Variants in SRRM4 observed in about 807,000 individuals in gnomAD.
SRRM4 encodes the protein serine/arginine repetitive matrix protein 4.
A neutral mutation model predicts 68.9 loss-of-function variants in SRRM4; 33 were observed. The ratio of observed to expected loss-of-function variants is 0.48; its 90% CI spans 0.36 to 0.64. SRRM4 has a LOEUF of 0.64. Ranked by LOEUF, SRRM4 falls within the 30% of genes least tolerant of loss-of-function variation. SRRM4 has a pLI of 0.00. For missense variants in SRRM4, 817 were observed against 827.1 expected, an observed-to-expected ratio of 0.99 and a Z score of 0.15; for synonymous variants, 318 against 318.8, an observed-to-expected ratio of 1.00 and a Z score of 0.03.
chr12:119,151,255 T>C, intron 10 of SRRM4, 35 bp downstream of exon 10: 2 of 1,577,170 alleles, frequency 1.3e-6, no homozygotes, highest in East Asian at 2.2e-5. Flanking sequence ...CTGCAGCACC[T>C]TTCTCCTTAG....
intron 1 of SRRM4, among the ~76,000 whole-genome samples, chr12:119,063,409 C>T (rs544649483): frequency 1.6e-4 from 24 of 152,140 alleles, no homozygotes; most frequent in Non-Finnish European, 3.2e-4. Context: ...CAGAGACCCT[C>T]CTCCATGTTT....
intron 1 of SRRM4, among the ~76,000 whole-genome samples, chr12:119,015,801 T>C (rs1425568676): frequency 6.6e-6 from 1 of 152,160 alleles, no homozygotes; most frequent in East Asian, 1.9e-4. Flanking sequence ...CACCCTGGAC[T>C]GTCCTTCCCC....
intron 8 of SRRM4, among the ~76,000 whole-genome samples, chr12:119,139,471 G>A (rs370275166): frequency 6.6e-6 from 1 of 152,176 alleles, no homozygotes; most frequent in Admixed American, 6.5e-5. Context: ...TGATGACTTT[G>A]TGAAAATGCT....
chr12:119,030,235 A>G (rs1953579699), intron 1 of SRRM4, among the ~76,000 whole-genome samples: 1 of 152,242 alleles, frequency 6.6e-6, no homozygotes, highest in East Asian at 1.9e-4. Flanking sequence ...AGCAACTCAA[A>G]GAACCAAGGG....
chr12:119,125,304 C>T, intron 6 of SRRM4, 77 bp from the exon 7 acceptor site: 1 of 1,365,568 alleles, frequency 7.3e-7, no homozygotes, highest in Non-Finnish European at 1.0e-6. Context: ...ACGGGTGTCA[C>T]AAGATCAAAT....
At position 119,151,114 on chromosome 12, in the gene SRRM4, A is replaced by T; in HGVS notation, c.1174A>T (p.Ser392Cys). The part of the protein sequence containing the change: ...RSSPMKGCSR[S>C]SSYASTRSSS... ...CTCACCCATGAAAGGGTGTTCCCGC[A>T]GCTCCTCCTATGCCAGCACCCGATC... Residue 392 changes from serine (S) to cysteine (C), a missense_variant, in exon 10 of 13, where the codon AGC becomes TGC. Physicochemically the swap from Ser to Cys is moderately radical, Grantham distance 112. Coordinates refer to ENST00000267260, the MANE Select transcript of SRRM4 (RefSeq NM_194286.4). 1.2e-6 allele frequency: 2 copies of T among 1,613,972 alleles called. No individual in the cohort carries two copies. The highest frequency in any genetic ancestry group is 1.7e-6 in the Non-Finnish European group (2 of 1,179,890).
chr12:119,122,284 C>CAGGAAGGAAGGAAGGA (rs1555219947), intron 6 of SRRM4, among the ~76,000 whole-genome samples, 164 bp downstream of exon 6: 9 of 97,800 alleles, frequency 9.2e-5, no homozygotes, highest in Non-Finnish European at 1.2e-4. Context: ...GGCAGGAAGG[C>CAGGAAGGAAGGAAGGA]AGGAAGGCAG....
intron 6 of SRRM4, among the ~76,000 whole-genome samples, 172 bp downstream of exon 6, chr12:119,122,292 C>CAGGAAGGCAGGAAGGCAGGAAGGCAGGA (rs1215630082): frequency 4.0e-4 from 28 of 69,706 alleles, no homozygotes; most frequent in African/African-American, 1.5e-3. Flanking sequence ...GGCAGGAAGG[C>CAGGAAGGCAGGAAGGCAGGAAGGCAGGA]AGGAAGGAAG....
chr12:118,990,181 G>A (rs1266550421), intron 1 of SRRM4, among the ~76,000 whole-genome samples: 1 of 152,128 alleles, frequency 6.6e-6, no homozygotes, highest in Non-Finnish European at 1.5e-5. Flanking sequence ...ACACATGGCT[G>A]GTAAGAGTCA....
chr12:119,071,490 G>A (rs991640599), intron 1 of SRRM4, among the ~76,000 whole-genome samples: 9 of 152,200 alleles, frequency 5.9e-5, no homozygotes, highest in Admixed American at 2.6e-4. Flanking sequence ...TAATTTGTTT[G>A]CTTTCTAATT....
At chr12:119,145,274 CTT>C (rs1218510021) in intron 8 of SRRM4, 105 bp from the exon 9 acceptor site, 1 of 970,858 alleles carries the variant, frequency 1.0e-6, no homozygotes, top group Non-Finnish European at 1.5e-6. Flanking sequence ...CTCTCTCTCT[CTT>C]TCCTTTCGTT....
At chr12:119,019,306 C>T (rs149435027) in intron 1 of SRRM4, among the ~76,000 whole-genome samples, 1 of 152,184 alleles carries the variant, frequency 6.6e-6, no homozygotes, top group Non-Finnish European at 1.5e-5. Context: ...ATCAAAGACA[C>T]GTCAACCATC....
chr12:119,012,732 T>C (rs1488825716), intron 1 of SRRM4, among the ~76,000 whole-genome samples: 1 of 152,224 alleles, frequency 6.6e-6, no homozygotes, highest in African/African-American at 2.4e-5. Context: ...GATATTTCTC[T>C]GCAAAGACCC....
intron 4 of SRRM4, 50 bp from the exon 5 acceptor site, chr12:119,120,199 CT>C (rs905725125): frequency 2.9e-5 from 40 of 1,361,906 alleles, no homozygotes; most frequent in Middle Eastern, 3.6e-4. Flanking sequence ...CTTTCTCTGC[CT>C]TTTTTTTCTT....
intron 6 of SRRM4, 43 bp from the exon 7 acceptor site, chr12:119,125,338 T>C (rs747865367): frequency 5.2e-6 from 8 of 1,548,372 alleles, no homozygotes; most frequent in South Asian, 1.1e-5. Context: ...TTTTTTACTC[T>C]CTCTCTCCTC....
chr12:118,988,698 A>G (rs1415041850), intron 1 of SRRM4, among the ~76,000 whole-genome samples: 1 of 152,242 alleles, frequency 6.6e-6, no homozygotes, highest in Non-Finnish European at 1.5e-5. Context: ...TTATTGAACC[A>G]CTACTCAACG....
chr12:119,091,592 G>A (rs1350966557), intron 1 of SRRM4, among the ~76,000 whole-genome samples: 4 of 152,150 alleles, frequency 2.6e-5, no homozygotes, highest in Non-Finnish European at 5.9e-5. Context: ...ACTAAGTGCT[G>A]GACATGCATC....
At chr12:119,140,753 C>T (rs1284499064) in intron 8 of SRRM4, among the ~76,000 whole-genome samples, 2 of 152,216 alleles carry the variant, frequency 1.3e-5, no homozygotes, top group Non-Finnish European at 2.9e-5. Context: ...GCAGCTTATG[C>T]TGTTGAGAAT....
At chr12:119,040,129 G>A (rs1953656818) in intron 1 of SRRM4, among the ~76,000 whole-genome samples, 1 of 152,066 alleles carries the variant, frequency 6.6e-6, no homozygotes. Context: ...AGAAAAAAAG[G>A]CACCTGTCCC....
Sources: allele counts gnomAD v4.1 joint callset (sites outside exome capture counted in the v4.1 genomes callset), GRCh38; gene constraint gnomAD v4.1.1; transcripts MANE v1.5; gene names NCBI Gene and HGNC (gene_info 2026-07-23, HGNC 2026-07-21).